WDR17: variants seen among roughly 807,000 people sequenced by gnomAD.
The protein encoded by WDR17 is WD repeat domain 17.
A neutral mutation model predicts 161.7 loss-of-function variants in WDR17; 143 were observed. The ratio of observed to expected loss-of-function variants is 0.88; its 90% CI spans 0.77 to 1.02. The LOEUF (loss-of-function observed/expected upper bound fraction) is 1.02, where lower values mean the gene tolerates loss of function less well. Among genes scored for constraint, WDR17 ranks in the 50% least tolerant of loss-of-function variants. WDR17 has a pLI of 0.00. For synonymous variants in WDR17, 517 were observed against 515.6 expected, an observed-to-expected ratio of 1.00 and a Z score of -0.04; for missense variants, 1,469 against 1,520.9, an observed-to-expected ratio of 0.97 and a Z score of 0.57.
chr4:176,072,535 T>A (rs35400555), intron 1 of WDR17, among the ~76,000 whole-genome samples: 79,489 of 152,020 alleles, frequency 0.52, 22,192 homozygotes, highest in South Asian at 0.63. Flanking sequence ...ATAATGTATG[T>A]TGCTATCTAT....
At chr4:176,120,127 A>G in intron 4 of WDR17, 30 bp downstream of exon 4, 1 of 1,537,632 alleles carries the variant, frequency 6.5e-7, no homozygotes, top group East Asian at 2.3e-5. Flanking sequence ...GGTATCTTAA[A>G]TAGTATATTT....
intron 1 of WDR17, among the ~76,000 whole-genome samples, chr4:176,082,283 T>C (rs1732979190): frequency 6.6e-6 from 1 of 152,106 alleles, no homozygotes; most frequent in South Asian, 2.1e-4. Context: ...GTTGTATTAC[T>C]ATAGACAGTA....
intron 3 of WDR17, among the ~76,000 whole-genome samples, chr4:176,116,517 C>G (rs539269525): frequency 6.6e-6 from 1 of 151,874 alleles, no homozygotes; most frequent in South Asian, 2.1e-4. Context: ...TTAATCTTAT[C>G]CCATCATAAT....
intron 22 of WDR17, 27 bp downstream of exon 22, chr4:176,163,320 A>G (rs1749319608): frequency 6.3e-7 from 1 of 1,581,500 alleles, no homozygotes; most frequent in African/African-American, 1.4e-5. Context: ...TCAAAGAATA[A>G]TTTCATAGTG....
intron 1 of WDR17, among the ~76,000 whole-genome samples, chr4:176,106,570 A>G (rs1046828857): frequency 6.6e-6 from 1 of 152,226 alleles, no homozygotes; most frequent in South Asian, 2.1e-4. Context: ...TTTGACAGCA[A>G]TATCTGGGAT....
intron 22 of WDR17, among the ~76,000 whole-genome samples, chr4:176,164,275 T>G (rs1337636489): frequency 2.0e-5 from 3 of 152,176 alleles, no homozygotes; most frequent in Non-Finnish European, 4.4e-5. Context: ...AGCTCTGAAG[T>G]TTGCATTCTT....
chr4:176,162,482 C>T (rs184435155), intron 21 of WDR17, among the ~76,000 whole-genome samples: 3 of 152,224 alleles, frequency 2.0e-5, no homozygotes, highest in Admixed American at 6.5e-5. Context: ...AATCACTGGA[C>T]GTAGACACAA....
intron 20 of WDR17, 31 bp downstream of exon 20, chr4:176,161,033 G>A (rs759849096): frequency 6.5e-7 from 1 of 1,549,464 alleles, no homozygotes; most frequent in African/African-American, 1.4e-5. Flanking sequence ...GGGTCCATAT[G>A]TTTTATGGTT....
At chr4:176,084,024 T>G (rs1027808608) in intron 1 of WDR17, among the ~76,000 whole-genome samples, 1 of 151,880 alleles carries the variant, frequency 6.6e-6, no homozygotes, top group Non-Finnish European at 1.5e-5. Flanking sequence ...TTTTGTTTTG[T>G]TTTTGTTTTT....
intron 1 of WDR17, among the ~76,000 whole-genome samples, chr4:176,102,157 C>T (rs1319531449): frequency 1.3e-5 from 2 of 152,024 alleles, no homozygotes; most frequent in South Asian, 2.1e-4. Flanking sequence ...TTATATAACT[C>T]AGTAACTAGA....
intron 18 of WDR17, among the ~76,000 whole-genome samples, chr4:176,156,491 T>C (rs1436357710): frequency 6.6e-6 from 1 of 152,152 alleles, no homozygotes; most frequent in Non-Finnish European, 1.5e-5. Context: ...AATACTATTC[T>C]ATTAATTATC....
At chr4:176,145,715 T>C (rs1220569877) in intron 11 of WDR17, among the ~76,000 whole-genome samples, 1 of 152,102 alleles carries the variant, frequency 6.6e-6, no homozygotes, top group Non-Finnish European at 1.5e-5. Context: ...GAAAAAGAAC[T>C]TATAGAAATA....
At chr4:176,179,152 G>A (rs1193529011) in intron 28 of WDR17, among the ~76,000 whole-genome samples, 1 of 152,102 alleles carries the variant, frequency 6.6e-6, no homozygotes, top group Non-Finnish European at 1.5e-5. Context: ...GGTAAACTTT[G>A]TGGCAGTTAC....
chr4:176,076,664 T>TA (rs1249061084), intron 1 of WDR17, among the ~76,000 whole-genome samples: 1 of 152,032 alleles, frequency 6.6e-6, no homozygotes, highest in Non-Finnish European at 1.5e-5. Flanking sequence ...TATTGCTCTT[T>TA]AATGTGGATT....
At chr4:176,177,231 T>A (rs1751576684) in intron 27 of WDR17, 75 bp downstream of exon 27, 1 of 1,307,588 alleles carries the variant, frequency 7.6e-7, no homozygotes, top group African/African-American at 1.5e-5. Context: ...GAAGTATGTG[T>A]GGTCTCATTA....
At chr4:176,168,374 C>T (rs1750196790) in intron 22 of WDR17, among the ~76,000 whole-genome samples, 1 of 152,034 alleles carries the variant, frequency 6.6e-6, no homozygotes, top group African/African-American at 2.4e-5. Flanking sequence ...TTCAAAACTA[C>T]TTAGATTAGA....
chr4:176,167,274 A>G (rs1433663345), intron 22 of WDR17, among the ~76,000 whole-genome samples: 3 of 152,192 alleles, frequency 2.0e-5, no homozygotes, highest in Non-Finnish European at 4.4e-5. Flanking sequence ...GCCCCAGCAC[A>G]CAGCTTTATA....
At chr4:176,096,605 A>T in intron 1 of WDR17, 1 of 1,555,686 alleles carries the variant, frequency 6.4e-7, no homozygotes, top group East Asian at 2.4e-5. Context: ...ATTTACTTGT[A>T]ATTACGATTT....
chr4:176,158,110 C>T (rs1748446523), intron 18 of WDR17, among the ~76,000 whole-genome samples: 1 of 152,130 alleles, frequency 6.6e-6, no homozygotes, highest in Non-Finnish European at 1.5e-5. Context: ...GAACACAAGA[C>T]ATTAAAGGGT....
Sources: gnomAD v4.1 joint callset for allele counts (sites outside exome capture counted in the v4.1 genomes callset) on GRCh38, gnomAD v4.1.1 for gene constraint, MANE v1.5 for transcripts, NCBI Gene and HGNC (gene_info 2026-07-23, HGNC 2026-07-21) for gene names.